The following ZNF469 variants were observed in gnomAD, a reference collection of about 807,000 sequenced individuals.
The protein encoded by ZNF469 is zinc finger protein 469.
A neutral mutation model predicts 1.0 loss-of-function variants in ZNF469; 1 was observed. That is an observed-to-expected ratio of 1.00 (90% CI 0.35 to 4.73). ZNF469 has a LOEUF of 4.73. ZNF469 is among the 30% of genes most tolerant of loss of function. The pLI is 0.16. For synonymous variants in ZNF469, 2,703 were observed against 2,363.4 expected, an observed-to-expected ratio of 1.14 and a Z score of -4.17; for missense variants, 6,100 against 5,356.3, an observed-to-expected ratio of 1.14 and a Z score of -4.33.
At chr16:88,184,490 G>A in the ZNF469 span, among the ~76,000 whole-genome samples, 1 of 151,796 alleles carries the variant, frequency 6.6e-6, no homozygotes, top group Non-Finnish European at 1.5e-5. Flanking sequence ...TGCTCCTGGC[G>A]TTCGGTTTGT....
the ZNF469 span, among the ~76,000 whole-genome samples, chr16:88,157,195 G>A: frequency 8.6e-5 from 13 of 151,656 alleles, no homozygotes; most frequent in African/African-American, 2.4e-4. Context: ...TTGCTCTCTC[G>A]GGGCTGAAGC....
chr16:88,133,522 G>A, the ZNF469 span, among the ~76,000 whole-genome samples: 1 of 151,962 alleles, frequency 6.6e-6, no homozygotes, highest in African/African-American at 2.4e-5. Context: ...AATAATGTAT[G>A]TATTAAATGT....
the ZNF469 span, among the ~76,000 whole-genome samples, chr16:88,208,998 C>T: frequency 1.3e-5 from 2 of 152,170 alleles, no homozygotes; most frequent in African/African-American, 4.8e-5. Flanking sequence ...ATTGCTAACC[C>T]ACCCCACTGT....
the ZNF469 span, among the ~76,000 whole-genome samples, chr16:88,161,131 A>T: frequency 6.6e-6 from 1 of 150,634 alleles, no homozygotes; most frequent in Non-Finnish European, 1.5e-5. Flanking sequence ...ATTGCACTCC[A>T]GCCTGGGTGA....
At chr16:88,331,762 C>T in the ZNF469 span, among the ~76,000 whole-genome samples, 5 of 150,960 alleles carry the variant, frequency 3.3e-5, no homozygotes, top group Admixed American at 3.3e-4. Context: ...TCATCATCAT[C>T]ACTATTGTTA....
At chr16:88,287,999 T>A in the ZNF469 span, among the ~76,000 whole-genome samples, 1 of 152,190 alleles carries the variant, frequency 6.6e-6, no homozygotes, top group Admixed American at 6.5e-5. Flanking sequence ...AATCCCAAAC[T>A]CACTCCAGTT....
chr16:88,112,436 C>G, the ZNF469 span, among the ~76,000 whole-genome samples: 5 of 152,150 alleles, frequency 3.3e-5, no homozygotes, highest in African/African-American at 9.7e-5. Flanking sequence ...CACATCCTTG[C>G]GAGCATTTGT....
chr16:88,164,705 G>A, the ZNF469 span, among the ~76,000 whole-genome samples: 5 of 152,196 alleles, frequency 3.3e-5, no homozygotes, highest in African/African-American at 1.2e-4. Context: ...GGATCACAGG[G>A]CTGGCCATCA....
At chr16:88,287,745 A>C in the ZNF469 span, among the ~76,000 whole-genome samples, 1 of 152,268 alleles carries the variant, frequency 6.6e-6, no homozygotes, top group South Asian at 2.1e-4. Flanking sequence ...TACTTCTTGA[A>C]GTTCTGTTTT....
Position 88,428,927 on chromosome 16 carries a change from A to C in ZNF469, c.1457A>C (p.Gln486Pro). ...CAGAGTGCCCCCCTGCCTTGGCCCCAAGTGCTCCCGACCGCCCGGCCAAGT... is the reference window on the plus strand; with the variant it reads ...CAGAGTGCCCCCCTGCCTTGGCCCCCAGTGCTCCCGACCGCCCGGCCAAGT... ...LPQSAPLPWP[Q>P]VLPTARPSPH... The change falls in exon 3 of 3, where the codon CAA becomes CCA. Residue 486 changes from glutamine (Q) to proline (P), a missense_variant. By Grantham distance (76) the Gln-to-Pro change is moderately conservative. Transcript: ENST00000565624. 2.6e-6 allele frequency: 4 copies of C among 1,546,124 alleles called. No individual in the cohort carries two copies. The highest frequency in any genetic ancestry group is 3.5e-6 in the Non-Finnish European group (4 of 1,145,424).
chr16:88,350,451 G>T, the ZNF469 span, among the ~76,000 whole-genome samples: 2 of 152,232 alleles, frequency 1.3e-5, no homozygotes, highest in Non-Finnish European at 2.9e-5. Flanking sequence ...ACCAGCTCTC[G>T]CCTGGGCTGG....
chr16:88,172,006 T>C, the ZNF469 span, among the ~76,000 whole-genome samples: 1 of 152,172 alleles, frequency 6.6e-6, no homozygotes, highest in Non-Finnish European at 1.5e-5. Flanking sequence ...CTCAAGACTG[T>C]GATCCCTGCG....
At chr16:88,372,956 A>G in the ZNF469 span, among the ~76,000 whole-genome samples, 4 of 152,116 alleles carry the variant, frequency 2.6e-5, no homozygotes, top group African/African-American at 9.7e-5. Context: ...CATCATCACC[A>G]TCATCACCAC....
chr16:88,241,778 T>A, the ZNF469 span, among the ~76,000 whole-genome samples: 1 of 152,176 alleles, frequency 6.6e-6, no homozygotes, highest in African/African-American at 2.4e-5. The surrounding 1 kb of genome is among the most constrained non-coding windows in gnomAD (Gnocchi z 4.8). Context: ...AGGAGCATGC[T>A]TGGGGCCGGT....
At chr16:88,352,484 C>A in the ZNF469 span, among the ~76,000 whole-genome samples, 1 of 152,210 alleles carries the variant, frequency 6.6e-6, no homozygotes, top group Non-Finnish European at 1.5e-5. Flanking sequence ...CTGACGGGCA[C>A]GGAAGGGCAC....
At chr16:88,213,244 G>A in the ZNF469 span, among the ~76,000 whole-genome samples, 5 of 151,946 alleles carry the variant, frequency 3.3e-5, no homozygotes, top group Admixed American at 6.6e-5. Context: ...GACTACAGGC[G>A]CCCGCCACCA....
At chr16:88,375,551 C>G in the ZNF469 span, among the ~76,000 whole-genome samples, 3 of 152,254 alleles carry the variant, frequency 2.0e-5, no homozygotes, top group Non-Finnish European at 2.9e-5. Flanking sequence ...CAGCATGGCC[C>G]CTGGTACACC....
At chr16:88,147,935 G>A in the ZNF469 span, among the ~76,000 whole-genome samples, 2 of 152,076 alleles carry the variant, frequency 1.3e-5, no homozygotes, top group Admixed American at 6.5e-5. Context: ...GGCTTCCTTC[G>A]TCGTTGTGTG....
At chr16:88,419,446 C>T (rs990618235) in intron 1 of ZNF469, among the ~76,000 whole-genome samples, 1 of 152,210 alleles carries the variant, frequency 6.6e-6, no homozygotes, top group African/African-American at 2.4e-5. Context: ...TGGGCAGGTT[C>T]TGTGAGCCTC....
Sources: allele counts gnomAD v4.1 joint callset (sites outside exome capture counted in the v4.1 genomes callset), GRCh38; gene constraint gnomAD v4.1.1; non-coding constraint Gnocchi (gnomAD v3.1); transcripts MANE v1.5; gene names NCBI Gene and HGNC (gene_info 2026-07-23, HGNC 2026-07-21).